The following ATF7 variants were observed in gnomAD, a reference collection of about 807,000 sequenced individuals.
The protein encoded by ATF7 is activating transcription factor 7, also known as cyclic AMP-dependent transcription factor ATF-7.
ATF7 carries 10 observed loss-of-function variants against 50.4 expected under a neutral mutation model. The ratio of observed to expected loss-of-function variants is 0.20; its 90% CI spans 0.12 to 0.34. The LOEUF (loss-of-function observed/expected upper bound fraction) is 0.34, where lower values mean the gene tolerates loss of function less well. Ranked by LOEUF, ATF7 falls within the 10% of genes least tolerant of loss-of-function variation. ATF7 has a pLI of 1.00. For synonymous variants in ATF7, 201 were observed against 226.4 expected, an observed-to-expected ratio of 0.89 and a Z score of 1.01; for missense variants, 465 against 613.9, an observed-to-expected ratio of 0.76 and a Z score of 2.56.
At chr12:53,579,218 TG>T (rs1942263615) in intron 2 of ATF7, among the ~76,000 whole-genome samples, 1 of 151,800 alleles carries the variant, frequency 6.6e-6, no homozygotes, top group South Asian at 2.1e-4. Context: ...CACTCCAGCC[TG>T]GGAGACAGAG....
At chr12:53,553,705 C>A (rs975460359) in intron 2 of ATF7, among the ~76,000 whole-genome samples, 5 of 152,166 alleles carry the variant, frequency 3.3e-5, no homozygotes, top group Non-Finnish European at 2.9e-5. Flanking sequence ...TGCAGTTTTC[C>A]ACAGCTCCTT....
In ATF7 at chr12:53,554,627, C is replaced by T. The variant is rs544560059; in HGVS notation, c.49-1990G>A. On this transcript the variant is annotated intron_variant, in intron 2 of 11. Transcript: ENST00000420353. ...CCTGTAATCCCAGCACTTTGGGAGG[C>T]CTAGGTGGGTGGATCACTTAAGGTA... Among the ~76,000 whole-genome samples the T allele has an allele frequency of 7.9e-5, 12 of 151,268 alleles. No individual in the cohort carries two copies. The South Asian group carries it at 2.5e-3, about 32-fold the overall frequency.
rs776679945 is a variant in ATF7, at chr12:53,537,570, T to G, written c.265-18A>C. On this transcript the variant is annotated intron_variant, in intron 4 of 11. Coordinates refer to ENST00000420353, the MANE Select transcript of ATF7 (RefSeq NM_006856.3). The stretch of plus-strand genomic sequence containing the variant: ...GCAGCAGCCTGTTGTGAAAGAAAAA[T>G]GAACAGAGTTTAACCCTATGATTCC... 6.2e-7 allele frequency: 1 copy of G among 1,612,050 alleles called. No homozygotes were observed. Among genetic ancestry groups the G allele is most frequent in the Non-Finnish European group, 8.5e-7 (1 of 1,179,346 alleles).
chr12:53,550,331 A>AATATAAAT, intron 3 of ATF7, among the ~76,000 whole-genome samples: 1 of 123,630 alleles, frequency 8.1e-6, no homozygotes, highest in African/African-American at 3.3e-5. Context: ...CTCAAAAAAA[A>AATATAAAT]AAATAAATAA....
intron 2 of ATF7, among the ~76,000 whole-genome samples, chr12:53,576,334 C>T (rs1236178130): frequency 6.6e-6 from 1 of 152,182 alleles, no homozygotes; most frequent in South Asian, 2.1e-4. Flanking sequence ...TCTGGCAGCT[C>T]TCCCAACCTT....
Position 53,610,268 on chromosome 12 carries a change from C to T in ATF7, c.-21-9247G>A, listed in dbSNP as rs532342050. Among the ~76,000 whole-genome samples the T allele has an allele frequency of 1.6e-4, 24 of 151,912 alleles. 1 individual carries two copies. Among genetic ancestry groups the T allele is most frequent in the East Asian group, 5.8e-4 (3 of 5,158 alleles). ...GTTACCTGTTCTCATACATTCCAAA[C>T]GAGATACAAAAATGGGCCAGGTGCA... On this transcript the variant is annotated intron_variant, in intron 1 of 11. Coordinates refer to ENST00000420353, the MANE Select transcript of ATF7 (RefSeq NM_006856.3).
In ATF7 at chr12:53,535,900, C is replaced by T. The variant is rs946648652; in HGVS notation, c.403-1241G>A. ...TGGGTGCGGTGCTCACGTCTGTAAT[C>T]GCAGCACTTTGGGAGGCTGAAGCAA... On this transcript the variant is annotated intron_variant, in intron 5 of 11. Coordinates refer to ENST00000420353, the MANE Select transcript of ATF7 (RefSeq NM_006856.3). Among the ~76,000 whole-genome samples, 10 of 151,822 alleles carry T rather than the reference C, an allele frequency of 6.6e-5. 1 individual carries two copies. The highest frequency in any genetic ancestry group is 2.2e-4 in the African/African-American group (9 of 41,146).
chr12:53,604,972 TTC>T (rs1943543131), intron 1 of ATF7, among the ~76,000 whole-genome samples: 1 of 152,150 alleles, frequency 6.6e-6, no homozygotes, highest in South Asian at 2.1e-4. Context: ...AATTTACAAG[TTC>T]AATTAGTCAG....
chr12:53,604,073 A>G (rs557176934), intron 1 of ATF7, among the ~76,000 whole-genome samples: 64 of 152,300 alleles, frequency 4.2e-4, no homozygotes, highest in Admixed American at 1.4e-3. Context: ...ATTCTTCAGG[A>G]TGAAACATAA....
chr12:53,588,696 T>C (rs1370378042), intron 2 of ATF7, among the ~76,000 whole-genome samples: 1 of 152,226 alleles, frequency 6.6e-6, no homozygotes. Flanking sequence ...GGCCTATTAG[T>C]AGAGGATGCT....
downstream of ATF7, among the ~76,000 whole-genome samples, chr12:53,511,729 C>T (rs1477944907): frequency 6.6e-6 from 1 of 152,314 alleles, no homozygotes; most frequent in Non-Finnish European, 1.5e-5. Context: ...CATTTGCCAT[C>T]AGCAACTCTC....
At chr12:53,587,845 T>TA (rs201911747) in intron 2 of ATF7, among the ~76,000 whole-genome samples, 47 of 31,664 alleles carry the variant, frequency 1.5e-3, no homozygotes, top group African/African-American at 3.7e-3. Context: ...ATATATATAT[T>TA]TTTTTTTTTT....
intron 9 of ATF7, among the ~76,000 whole-genome samples, chr12:53,527,219 T>C (rs1319595182): frequency 1.4e-5 from 2 of 147,834 alleles, no homozygotes; most frequent in African/African-American, 5.0e-5. Flanking sequence ...CGCAGTGGCT[T>C]ATGCCTGTAA....
At chr12:53,588,504 A>G (rs989909579) in intron 2 of ATF7, among the ~76,000 whole-genome samples, 11 of 152,336 alleles carry the variant, frequency 7.2e-5, no homozygotes, top group Admixed American at 3.3e-4. Flanking sequence ...CCTCTTACCA[A>G]TAAGTATGGC....
At chr12:53,551,567 C>T (rs1188313664) in intron 3 of ATF7, among the ~76,000 whole-genome samples, 1 of 152,144 alleles carries the variant, frequency 6.6e-6, no homozygotes, top group Non-Finnish European at 1.5e-5. Context: ...CTGGTGTATA[C>T]AGTAGATATG....
chr12:53,538,736 C>T (rs1276617850), intron 4 of ATF7, among the ~76,000 whole-genome samples: 3 of 152,120 alleles, frequency 2.0e-5, no homozygotes, highest in Admixed American at 2.0e-4. Flanking sequence ...CAAGATCTTC[C>T]CTTGCTACCC....
At chr12:53,519,108 T>A (rs1335757423) in intron 11 of ATF7, among the ~76,000 whole-genome samples, 1 of 152,152 alleles carries the variant, frequency 6.6e-6, no homozygotes. Context: ...CCATCTTTGT[T>A]ACCCTCAGTA....
At chr12:53,599,706 CTCT>C (rs1378396560) in intron 2 of ATF7, among the ~76,000 whole-genome samples, 4 of 152,106 alleles carry the variant, frequency 2.6e-5, no homozygotes, top group African/African-American at 9.7e-5. Context: ...TGAAATTTAA[CTCT>C]TCTTTTTGTC....
Position 53,535,852 on chromosome 12 carries a change from TAAC to T in ATF7, c.403-1196_403-1194del, listed in dbSNP as rs375298854. ...CATACAGTGATGTGCATTAAAGTCA[TAAC>T]AACAAAATGACTTTTAGGCTGGGTG... On this transcript the variant is annotated intron_variant, in intron 5 of 11. Transcript: ENST00000420353. 6.6e-5 allele frequency among the ~76,000 whole-genome samples: 10 copies of T among 152,172 alleles called. No homozygotes were observed. In the East Asian group the frequency reaches 7.7e-4, roughly 12 times the overall value.
Sources: gnomAD v4.1 joint callset for allele counts (sites outside exome capture counted in the v4.1 genomes callset) on GRCh38, gnomAD v4.1.1 for gene constraint, MANE v1.5 for transcripts, NCBI Gene and HGNC (gene_info 2026-07-23, HGNC 2026-07-21) for gene names.